SLC2A14: variants seen among roughly 807,000 people sequenced by gnomAD.
The protein encoded by SLC2A14 is solute carrier family 2 member 14, also known as solute carrier family 2, facilitated glucose transporter member 14.
A neutral mutation model predicts 43.0 loss-of-function variants in SLC2A14; 13 were observed. The observed-to-expected ratio is 0.30, with a 90% CI of 0.20 to 0.48. The LOEUF (loss-of-function observed/expected upper bound fraction) is 0.48. Among genes scored for constraint, SLC2A14 ranks in the 20% least tolerant of loss-of-function variants. The pLI, the probability that SLC2A14 is intolerant of heterozygous loss-of-function variation, is 0.99. For missense variants in SLC2A14, 428 were observed against 620.4 expected, an observed-to-expected ratio of 0.69 and a Z score of 3.29; for synonymous variants, 190 against 233.8, an observed-to-expected ratio of 0.81 and a Z score of 1.71.
intron 2 of SLC2A14, among the ~76,000 whole-genome samples, chr12:7,861,256 G>A (rs909379266): frequency 1.3e-5 from 2 of 151,980 alleles, no homozygotes; most frequent in African/African-American, 2.4e-5. Context: ...TTTTTGGTGG[G>A]GGGGAGGCTT....
At chr12:7,873,370 G>T, upstream of SLC2A14, 1 of 985,152 alleles carries the variant, frequency 1.0e-6, no homozygotes. Flanking sequence ...GGCCGCGCAC[G>T]GTGGCTCACA....
intron 2 of SLC2A14, among the ~76,000 whole-genome samples, chr12:7,861,765 C>A (rs1055412657): frequency 2.0e-5 from 3 of 151,852 alleles, no homozygotes; most frequent in Admixed American, 6.6e-5. Flanking sequence ...AATTCCAGAC[C>A]AGCCTGGCCA....
At chr12:7,885,725 G>A (rs1419129089) in intron 1 of SLC2A14, among the ~76,000 whole-genome samples, 14 of 151,850 alleles carry the variant, frequency 9.2e-5, no homozygotes, top group Admixed American at 9.2e-4. Context: ...ACAGATTTCT[G>A]GGCCCACCTA....
chr12:7,874,816 T>TTATATATAAATAATATATAAATACGTA (rs1565584721), upstream of SLC2A14, among the ~76,000 whole-genome samples: 18 of 60,382 alleles, frequency 3.0e-4, no homozygotes, highest in East Asian at 1.2e-3. Flanking sequence ...AAATACGTAT[T>TTATATATAAATAATATATAAATACGTA]TATATATAAA....
intron 1 of SLC2A14, among the ~76,000 whole-genome samples, chr12:7,881,529 C>T (rs1443415470): frequency 1.3e-5 from 2 of 152,158 alleles, no homozygotes; most frequent in Non-Finnish European, 2.9e-5. Context: ...TGGGGCAGGG[C>T]TCAGGACCTG....
chr12:7,817,307 G>A (rs1457701738), intron 10 of SLC2A14, among the ~76,000 whole-genome samples: 1 of 151,976 alleles, frequency 6.6e-6, no homozygotes, highest in Non-Finnish European at 1.5e-5. Context: ...TAGAGACAGG[G>A]TTTCTCCATG....
At position 7,891,120 on chromosome 12, in the gene SLC2A14, CT is replaced by C; in HGVS notation, c.7del (p.Arg3AspfsTer5). 6.5e-7 allele frequency: 1 copy of C among 1,533,690 alleles called. No homozygotes were observed. Among genetic ancestry groups the C allele is most frequent in the Non-Finnish European group, 8.7e-7 (1 of 1,145,712 alleles). ...TACTTCTACTCTCAACAGTTGGAGTCTTTGCATTGTGAACAAAAGTCAGGTT... is the reference window on the plus strand; with the variant it reads ...TACTTCTACTCTCAACAGTTGGAGTCTTGCATTGTGAACAAAAGTCAGGTT... On this transcript the variant is annotated frameshift_variant, in exon 1 of 10. Transcript: ENST00000539924. LOFTEE classifies it high-confidence loss of function.
chr12:7,829,835 A>G lies in SLC2A14; in HGVS notation c.444T>C (p.Pro148=), dbSNP rs754316537. ...FVPMYIGEIS[P]TALRGAFGTL... Reference sequence around the variant, plus strand: ...TGCCAAAGGCACCCCTCAGGGCAGTAGGCGAGATCTCTCCAATGTACATGG... The same window carrying G: ...TGCCAAAGGCACCCCTCAGGGCAGTGGGCGAGATCTCTCCAATGTACATGG... The change falls in exon 5 of 11, where the codon CCT becomes CCC. Residue 148 remains proline, a synonymous_variant. Coordinates refer to ENST00000431042, the MANE Select transcript of SLC2A14 (RefSeq NM_001286234.2). 18 of 1,614,222 alleles carry G rather than the reference A, an allele frequency of 1.1e-5. No homozygotes were observed. In the East Asian group the frequency reaches 3.1e-4, roughly 28 times the overall value.
In SLC2A14 at chr12:7,884,786, G is replaced by A. The variant is rs1190577391; in HGVS notation, c.132+6210C>T. On this transcript the variant is annotated intron_variant, in intron 1 of 9. Transcript: ENST00000539924. ...GTTCTATTTTTGTTTGTTAAACTTT[G>A]GAAGGCATTCTTAGATGTTTCTCCT... Among the ~76,000 whole-genome samples the A allele has an allele frequency of 2.0e-5, 3 of 152,082 alleles. No individual in the cohort carries two copies. The East Asian group carries it at 5.8e-4, about 29-fold the overall frequency.
At position 7,829,784 on chromosome 12, in the gene SLC2A14, A is replaced by G; in HGVS notation, c.495T>C (p.Ile165=). 2 of 1,614,214 alleles carry G rather than the reference A, an allele frequency of 1.2e-6. No homozygotes were observed. The highest frequency in any genetic ancestry group is 4.5e-5 in the East Asian group (2 of 44,874). ...FGTLNQLGIV[I]GILVAQIFGL... is the part of the protein sequence containing the mutation. ...AGAGTACCTGGGCCACCAGAATTCCAATAACTATGCCCAGCTGGTTGAGAG... is the reference window on the plus strand; with the variant it reads ...AGAGTACCTGGGCCACCAGAATTCCGATAACTATGCCCAGCTGGTTGAGAG... The change falls in exon 5 of 11, where the codon ATT becomes ATC. Residue 165 remains isoleucine, a synonymous_variant. Coordinates refer to ENST00000431042, the MANE Select transcript of SLC2A14 (RefSeq NM_001286234.2).
chr12:7,861,918 C>G (rs771536680), intron 2 of SLC2A14, among the ~76,000 whole-genome samples: 13 of 150,686 alleles, frequency 8.6e-5, no homozygotes, highest in African/African-American at 3.2e-4. Flanking sequence ...GCTGAGATTA[C>G]GCCACTGCAC....
Position 7,813,566 on chromosome 12 carries a change from C to G in SLC2A14, c.*750G>C, listed in dbSNP as rs886766812. On this transcript the variant is annotated 3_prime_UTR_variant, in exon 11 of 11. Coordinates refer to ENST00000431042, the MANE Select transcript of SLC2A14 (RefSeq NM_001286234.2). ...TGAGTAGCTTTATTAAATAGGCATA[C>G]AACTTTTCTGAGAAATCAAAGAGTT... 8 of 152,104 alleles carry G rather than the reference C, an allele frequency of 5.3e-5. No homozygotes were observed. The highest frequency in any genetic ancestry group is 2.1e-4 in the South Asian group (1 of 4,836). 9.4% of individuals were successfully genotyped at this position (152,104 alleles called of 1,614,324 possible).
chr12:7,852,385 G>A (rs1269858247), intron 2 of SLC2A14, among the ~76,000 whole-genome samples: 1 of 152,070 alleles, frequency 6.6e-6, no homozygotes, highest in Admixed American at 6.6e-5. Flanking sequence ...AAAAAGCAGT[G>A]CTTCATTTTT....
upstream of SLC2A14, among the ~76,000 whole-genome samples, chr12:7,874,492 T>G (rs1278785856): frequency 6.6e-6 from 1 of 151,382 alleles, no homozygotes; most frequent in Non-Finnish European, 1.5e-5. Context: ...GCCAACATGG[T>G]GAAACCCCGT....
chr12:7,823,426 C>T (rs7134840), intron 7 of SLC2A14, among the ~76,000 whole-genome samples: 94,819 of 150,928 alleles, frequency 0.63, 30,262 homozygotes, highest in African/African-American at 0.76. Flanking sequence ...ACAACTATCA[C>T]AGCTATGAGA....
chr12:7,885,563 T>C (rs1181524340), intron 1 of SLC2A14, among the ~76,000 whole-genome samples: 1 of 151,924 alleles, frequency 6.6e-6, no homozygotes, highest in East Asian at 1.9e-4. Context: ...AGTTTTTTTT[T>C]TTTCATGCTG....
chr12:7,873,271 C>T, upstream of SLC2A14: 1 of 985,674 alleles, frequency 1.0e-6, no homozygotes, highest in Non-Finnish European at 1.2e-6. Flanking sequence ...TCACCGCCTG[C>T]AGCAGGGAGA....
exon 1 of SLC2A14, chr12:7,891,072 T>C (rs1439995957): frequency 6.5e-7 from 1 of 1,535,148 alleles, no homozygotes; most frequent in Non-Finnish European, 8.7e-7. Flanking sequence ...CCGCATTTCA[T>C]CTCCTTGTTT....
intron 7 of SLC2A14, among the ~76,000 whole-genome samples, chr12:7,821,549 G>GGC (rs2120689995): frequency 6.6e-6 from 1 of 152,138 alleles, no homozygotes; most frequent in South Asian, 2.1e-4. Flanking sequence ...TAGGCATGGT[G>GGC]GCACACACCT....
Sources: gnomAD v4.1 joint callset for allele counts (sites outside exome capture counted in the v4.1 genomes callset) on GRCh38, gnomAD v4.1.1 for gene constraint, MANE v1.5 for transcripts, NCBI Gene and HGNC (gene_info 2026-07-23, HGNC 2026-07-21) for gene names.